DOCK1: variants seen among roughly 807,000 people sequenced by gnomAD.
DOCK1 encodes dedicator of cytokinesis 1.
Under a neutral mutation model 262.7 loss-of-function variants are expected in DOCK1, and 138 were observed. The ratio of observed to expected loss-of-function variants is 0.53; its 90% CI spans 0.46 to 0.61. The LOEUF (loss-of-function observed/expected upper bound fraction) is 0.61, where lower values mean the gene tolerates loss of function less well. DOCK1 is among the 20% of genes least tolerant of loss of function. The probability of loss-of-function intolerance (pLI) is 0.00; values close to 1 mark genes in which losing one functional copy is unlikely to be tolerated. For synonymous variants in DOCK1, 866 were observed against 867.4 expected (o/e 1.00, Z 0.03); for missense variants, 1,908 against 2,370.7 (o/e 0.80, Z 4.05).
intron 1 of DOCK1, among the ~76,000 whole-genome samples, chr10:126,941,554 A>G (rs1032766723): frequency 4.3e-4 from 65 of 151,874 alleles, no homozygotes; most frequent in East Asian, 1.7e-3. Flanking sequence ...CAGGAGATCG[A>G]GACCATCCTG....
intron 1 of DOCK1, among the ~76,000 whole-genome samples, chr10:126,946,937 G>A (rs910827445): frequency 2.0e-4 from 30 of 152,268 alleles, no homozygotes; most frequent in Non-Finnish European, 3.7e-4. Flanking sequence ...TCACTTCTTG[G>A]ATCAGACGCT....
chr10:127,148,357 G>A (rs755580489), intron 27 of DOCK1, among the ~76,000 whole-genome samples: 15 of 152,290 alleles, frequency 9.8e-5, no homozygotes, highest in African/African-American at 3.1e-4. Flanking sequence ...ACCACTTGAC[G>A]AGAAGATTCT....
chr10:127,356,690 G>A (rs1264592184), intron 32 of DOCK1, among the ~76,000 whole-genome samples: 1 of 152,110 alleles, frequency 6.6e-6, no homozygotes, highest in East Asian at 1.9e-4. Flanking sequence ...GGAACTCAGT[G>A]AGTCCAGGAC....
intron 1 of DOCK1, among the ~76,000 whole-genome samples, chr10:126,950,683 G>A (rs1484977044): frequency 7.2e-5 from 11 of 152,248 alleles, no homozygotes; most frequent in African/African-American, 1.9e-4. Flanking sequence ...GAGGTGGGGC[G>A]GCAGCATGCC....
chr10:127,021,332 A>G (rs949456927), intron 13 of DOCK1, among the ~76,000 whole-genome samples: 1 of 152,052 alleles, frequency 6.6e-6, no homozygotes, highest in Admixed American at 6.6e-5. Flanking sequence ...TGCCTGGCTA[A>G]TCTTTTTATT....
intron 24 of DOCK1, among the ~76,000 whole-genome samples, chr10:127,109,811 G>T (rs1164466344): frequency 6.6e-6 from 1 of 151,918 alleles, no homozygotes; most frequent in Non-Finnish European, 1.5e-5. Context: ...AATGAACAAT[G>T]CCACTTGGAT....
chr10:127,184,131 CA>C (rs2055993993), intron 27 of DOCK1, among the ~76,000 whole-genome samples: 1 of 152,132 alleles, frequency 6.6e-6, no homozygotes, highest in South Asian at 2.1e-4. Context: ...GGACTCAACC[CA>C]GCAACACAGC....
intron 25 of DOCK1, among the ~76,000 whole-genome samples, chr10:127,119,809 G>A (rs1367068842): frequency 6.6e-6 from 1 of 152,180 alleles, no homozygotes; most frequent in East Asian, 1.9e-4. Flanking sequence ...ATTCATTCTT[G>A]TATTTGCATC....
At chr10:126,923,917 C>A (rs1378244529) in intron 1 of DOCK1, among the ~76,000 whole-genome samples, 3 of 152,160 alleles carry the variant, frequency 2.0e-5, no homozygotes, top group Admixed American at 1.3e-4. Context: ...GGAAACAGGC[C>A]CTTGCCAGAC....
At chr10:127,155,572 C>T (rs1483790259) in intron 27 of DOCK1, among the ~76,000 whole-genome samples, 1 of 152,108 alleles carries the variant, frequency 6.6e-6, no homozygotes, top group East Asian at 1.9e-4. Context: ...TGTGCCTTAT[C>T]CCCTCCCCTT....
chr10:127,312,760 C>T (rs572175538), intron 29 of DOCK1, among the ~76,000 whole-genome samples: 19 of 151,732 alleles, frequency 1.3e-4, no homozygotes, highest in African/African-American at 4.6e-4. Flanking sequence ...TGTGCCTCCA[C>T]CCCCATCCTC....
chr10:127,412,648 T>G (rs1352976598), intron 43 of DOCK1, among the ~76,000 whole-genome samples: 2 of 152,186 alleles, frequency 1.3e-5, no homozygotes, highest in Non-Finnish European at 2.9e-5. Flanking sequence ...CTCGGAACCC[T>G]TCCAGCAGGG....
chr10:126,984,345 T>C (rs1431844632), intron 4 of DOCK1, among the ~76,000 whole-genome samples: 1 of 152,188 alleles, frequency 6.6e-6, no homozygotes, highest in African/African-American at 2.4e-5. Context: ...TTTTATTTTG[T>C]ATTGTGTATT....
chr10:127,024,712 G>A lies in DOCK1; in HGVS notation c.1480G>A (p.Glu494Lys), dbSNP rs756721903. 1.9e-5 allele frequency: 30 copies of A among 1,612,318 alleles called. No individual in the cohort carries two copies. The highest frequency in any genetic ancestry group is 2.5e-5 in the Non-Finnish European group (29 of 1,179,348). Residue 494 changes from glutamate to lysine, a missense_variant, in exon 15 of 52, where the codon GAA (glutamate) becomes AAA (lysine). Around this residue, in one of 9 missense-constraint regions of DOCK1, gnomAD observed 294 missense variants for 439.9 expected, o/e 0.67. Transcript: ENST00000623213. ...EHVIFPGAGD[E>K]AISEYKSVIY... ...TGTGATTTTCCCGGGTGCTGGTGAT[G>A]AAGCGATTTCAGAGTACAAATCTGT...
intron 1 of DOCK1, among the ~76,000 whole-genome samples, chr10:126,927,962 G>T (rs2033886816): frequency 1.3e-5 from 2 of 152,126 alleles, no homozygotes; most frequent in Admixed American, 6.5e-5. Flanking sequence ...CAGGTGAGGG[G>T]CACCTACCCA....
At chr10:127,322,962 GAGAACATACTGTGT>G (rs901924559) in intron 29 of DOCK1, among the ~76,000 whole-genome samples, 1 of 152,226 alleles carries the variant, frequency 6.6e-6, no homozygotes, top group African/African-American at 2.4e-5. Flanking sequence ...GATGTAACCT[GAGAACATACTGTGT>G]AGAAAGCATG....
intron 1 of DOCK1, among the ~76,000 whole-genome samples, chr10:126,944,762 G>C (rs1213813856): frequency 7.0e-6 from 1 of 143,526 alleles, no homozygotes; most frequent in African/African-American, 3.0e-5. Context: ...AAAAAGACAA[G>C]AGAGCTCTCA....
At chr10:127,052,845 T>G (rs1177179195) in intron 22 of DOCK1, 30 bp downstream of exon 22, 1 of 1,589,600 alleles carries the variant, frequency 6.3e-7, no homozygotes, top group Non-Finnish European at 8.6e-7. Flanking sequence ...ATGCCCGGGC[T>G]CTCAGAGGAC....
At chr10:127,121,627 A>G (rs529140006) in intron 25 of DOCK1, among the ~76,000 whole-genome samples, 2 of 152,336 alleles carry the variant, frequency 1.3e-5, no homozygotes, top group South Asian at 2.1e-4. Flanking sequence ...ATCTGTAGAC[A>G]GAAATATAGA....
Sources: allele counts gnomAD v4.1 joint callset (sites outside exome capture counted in the v4.1 genomes callset), GRCh38; gene constraint gnomAD v4.1.1; regional missense constraint gnomAD v4.1.1; transcripts MANE v1.5; gene names NCBI Gene and HGNC (gene_info 2026-07-23, HGNC 2026-07-21).